MOB1B: variants seen among roughly 807,000 people sequenced by gnomAD.
MOB1B encodes the protein MOB1 Mps One Binder homolog B.
A neutral mutation model predicts 24.4 loss-of-function variants in MOB1B; 19 were observed. The ratio of observed to expected loss-of-function variants is 0.78; its 90% confidence interval spans 0.54 to 1.14. The LOEUF (loss-of-function observed/expected upper bound fraction) is 1.14, where lower values mean the gene tolerates loss of function less well. Among genes scored for constraint, MOB1B ranks in the 50% most tolerant of loss-of-function variants. The probability of loss-of-function intolerance (pLI) is 0.00; values close to 1 mark genes in which losing one functional copy is unlikely to be tolerated. For synonymous variants in MOB1B, 76 were observed against 82.1 expected, an observed-to-expected ratio of 0.93 and a Z score of 0.40; for missense variants, 243 against 259.6, an observed-to-expected ratio of 0.94 and a Z score of 0.44.
chr4:70,974,140 A>T (rs1413744327), intron 3 of MOB1B, among the ~76,000 whole-genome samples: 1 of 151,590 alleles, frequency 6.6e-6, no homozygotes, highest in African/African-American at 2.4e-5. Flanking sequence ...AATTCAGGGT[A>T]TGTGTGTGTG....
In MOB1B at chr4:70,903,906, G is replaced by T. The variant is rs115738385; in HGVS notation, c.14+1356G>T. 1.9e-3 allele frequency among the ~76,000 whole-genome samples: 290 copies of T among 150,520 alleles called. 1 individual carries two copies. The highest frequency in any genetic ancestry group is 6.7e-3 in the African/African-American group (277 of 41,140). ...CTAGAAGTTGATTCTGAGTTTGTCG[G>T]ATTGGCATAGGGCTAGATGACAGGA... On this transcript the variant is annotated intron_variant, in intron 1 of 5. Coordinates refer to ENST00000309395, the MANE Select transcript of MOB1B (RefSeq NM_173468.4).
At chr4:70,929,932 T>G (rs1736820885) in intron 1 of MOB1B, among the ~76,000 whole-genome samples, 1 of 152,084 alleles carries the variant, frequency 6.6e-6, no homozygotes, top group African/African-American at 2.4e-5. Context: ...TTTTAAAATT[T>G]TTTGTAGAGA....
chr4:70,960,633 A>G (rs1738266879), intron 2 of MOB1B, among the ~76,000 whole-genome samples: 1 of 152,148 alleles, frequency 6.6e-6, no homozygotes, highest in Non-Finnish European at 1.5e-5. Context: ...CACAAGAGCC[A>G]TGTTATTATT....
chr4:70,971,067 C>T lies in MOB1B; in HGVS notation c.275+1043C>T, dbSNP rs552695184. 1.4e-4 allele frequency among the ~76,000 whole-genome samples: 21 copies of T among 152,308 alleles called. 1 individual carries two copies. The South Asian group carries it at 3.9e-3, about 29-fold the overall frequency. ...CACGGGACTGTTTACTTTGGAGAAA[C>T]GTCTTCTGTGGACTTTGTATGGGGT... On this transcript the variant is annotated intron_variant, in intron 3 of 5. Coordinates refer to ENST00000309395, the MANE Select transcript of MOB1B (RefSeq NM_173468.4).
At chr4:70,967,515 C>A (rs1261948457) in intron 2 of MOB1B, among the ~76,000 whole-genome samples, 1 of 152,112 alleles carries the variant, frequency 6.6e-6, no homozygotes, top group Non-Finnish European at 1.5e-5. Context: ...AAGAATTATT[C>A]TTTTCATTTA....
At chr4:70,943,195 G>A (rs1039371807) in intron 1 of MOB1B, among the ~76,000 whole-genome samples, 2 of 152,104 alleles carry the variant, frequency 1.3e-5, no homozygotes, top group African/African-American at 4.8e-5. Context: ...TATTGTATAA[G>A]CATACATTCT....
chr4:70,928,845 C>A (rs187620070), intron 1 of MOB1B, among the ~76,000 whole-genome samples: 130 of 152,266 alleles, frequency 8.5e-4, no homozygotes, highest in Non-Finnish European at 7.2e-4. Flanking sequence ...ACCTTGGCCT[C>A]CCAAAATGCC....
intron 4 of MOB1B, among the ~76,000 whole-genome samples, chr4:70,977,200 A>C (rs1232617733): frequency 1.3e-5 from 2 of 152,120 alleles, no homozygotes; most frequent in Non-Finnish European, 2.9e-5. Context: ...AAGCAAAGGA[A>C]ATCTTTTATA....
At position 70,939,671 on chromosome 4, in the gene MOB1B, T is replaced by G. The variant is rs546386064; in HGVS notation, c.15-19203T>G. Among the ~76,000 whole-genome samples, 10 of 152,260 alleles carry G rather than the reference T, an allele frequency of 6.6e-5. 1 individual carries two copies. In the East Asian group the frequency reaches 1.7e-3, roughly 26 times the overall value. ...TGTGCGGTCGGGGGTGTGGCTCGCT[T>G]CTTTGGTGTCCTGCTGCTCAAACCT... On this transcript the variant is annotated intron_variant, in intron 1 of 5. Transcript: ENST00000309395.
intron 1 of MOB1B, among the ~76,000 whole-genome samples, chr4:70,925,437 T>A (rs946409768): frequency 6.6e-6 from 1 of 152,198 alleles, no homozygotes; most frequent in Non-Finnish European, 1.5e-5. Context: ...TTTTTTGATA[T>A]CACTTAACAT....
chr4:70,962,667 G>A (rs1246807104), intron 2 of MOB1B, among the ~76,000 whole-genome samples: 1 of 151,968 alleles, frequency 6.6e-6, no homozygotes, highest in Non-Finnish European at 1.5e-5. Context: ...AACCAAAAGT[G>A]TGCTTTTAAA....
At chr4:70,946,081 G>GTTTTTT (rs1560648567) in intron 1 of MOB1B, among the ~76,000 whole-genome samples, 3 of 85,182 alleles carry the variant, frequency 3.5e-5, no homozygotes, top group African/African-American at 4.3e-5. Flanking sequence ...GTTTTTGTTT[G>GTTTTTT]TTCTTTTTTT....
chr4:70,966,374 CTT>C (rs777364803), intron 2 of MOB1B, among the ~76,000 whole-genome samples: 24 of 137,962 alleles, frequency 1.7e-4, no homozygotes, highest in East Asian at 2.1e-4. Context: ...GTGAGTCCCA[CTT>C]TTTTTTTTTT....
chr4:70,913,721 TTTG>T (rs1736090729), intron 1 of MOB1B, among the ~76,000 whole-genome samples: 1 of 152,168 alleles, frequency 6.6e-6, no homozygotes, highest in African/African-American at 2.4e-5. Flanking sequence ...ATTATTATTT[TTTG>T]TTATTAATAT....
rs1735544441 is a variant in MOB1B at position 70,902,411 on chromosome 4, C to T, written c.-126C>T. On this transcript the variant is annotated 5_prime_UTR_variant, in exon 1 of 6. Coordinates refer to ENST00000309395, the MANE Select transcript of MOB1B (RefSeq NM_173468.4). The stretch of plus-strand genomic sequence containing the variant: ...CGAACTAGTTGCGGCCACCGAGCAG[C>T]CGGCTCTCGGCACCTCCTCCTCCGC... 2 of 1,036,396 alleles carry T rather than the reference C, an allele frequency of 1.9e-6. No individual in the cohort carries two copies. Among genetic ancestry groups the T allele is most frequent in the East Asian group, 2.6e-5 (1 of 38,254 alleles). The allele number at this position is 1,036,396 out of a possible 1,614,324, so 64.2% of individuals were successfully genotyped here. A position where few individuals can be genotyped will look rare whatever the true frequency, so the allele number is the denominator to read the frequency against.
At chr4:70,956,051 A>G (rs1302507552) in intron 1 of MOB1B, among the ~76,000 whole-genome samples, 2 of 152,000 alleles carry the variant, frequency 1.3e-5, no homozygotes, top group East Asian at 3.9e-4. Flanking sequence ...TATTTTTATA[A>G]TTATATTTTA....
intron 1 of MOB1B, among the ~76,000 whole-genome samples, chr4:70,924,969 A>G (rs1736591127): frequency 1.3e-5 from 2 of 152,240 alleles, no homozygotes; most frequent in Admixed American, 1.3e-4. Flanking sequence ...ACTATACAAA[A>G]AAACTACAAT....
At chr4:70,907,529 T>G (rs1735796446) in intron 1 of MOB1B, among the ~76,000 whole-genome samples, 1 of 152,184 alleles carries the variant, frequency 6.6e-6, no homozygotes. Flanking sequence ...TAACTTTTTC[T>G]TGTTAAGAGA....
At chr4:70,954,528 TA>T (rs1737955326) in intron 1 of MOB1B, among the ~76,000 whole-genome samples, 1 of 145,922 alleles carries the variant, frequency 6.9e-6, no homozygotes. Flanking sequence ...CAATCTCGGC[TA>T]ACTGCAACCT....
Sources: gnomAD v4.1 joint callset for allele counts (sites outside exome capture counted in the v4.1 genomes callset) on GRCh38, gnomAD v4.1.1 for gene constraint, MANE v1.5 for transcripts, NCBI Gene and HGNC (gene_info 2026-07-23, HGNC 2026-07-21) for gene names.